Variants in PLXNA4 observed in about 807,000 individuals in gnomAD.
PLXNA4 encodes plexin A4.
PLXNA4 carries 44 observed loss-of-function variants against 191.8 expected under a neutral mutation model. The ratio of observed to expected loss-of-function variants is 0.23; its 90% CI spans 0.18 to 0.29. The LOEUF is 0.29. Among genes scored for constraint, PLXNA4 ranks in the 10% least tolerant of loss-of-function variants. The pLI is 1.00. For missense variants in PLXNA4, 1,800 were observed against 2,488.8 expected, an observed-to-expected ratio of 0.72 and a Z score of 5.89; for synonymous variants, 1,082 against 1,009.5, an observed-to-expected ratio of 1.07 and a Z score of -1.36.
intron 3 of PLXNA4, among the ~76,000 whole-genome samples, chr7:132,403,174 G>T (rs905162812): frequency 2.0e-5 from 3 of 152,140 alleles, no homozygotes; most frequent in Admixed American, 6.5e-5. Context: ...CAGAGCCCAG[G>T]TCCCGGCCCC....
chr7:132,313,624 T>C lies in PLXNA4; in HGVS notation c.1372-15402A>G, dbSNP rs142374014. Among the ~76,000 whole-genome samples, 1,195 of 152,232 alleles carry C rather than the reference T, an allele frequency of 7.8e-3. 8 individuals are homozygous for C. The highest frequency in any genetic ancestry group is 0.012 in the Non-Finnish European group (820 of 68,012). ...AAGTGCGGGTCTGAGATCTGCTGAA[T>C]GTCACTGGTGGGAGTGTGGCCGATT... is the stretch of plus-strand genomic sequence containing the variant. On this transcript the variant is annotated intron_variant, in intron 3 of 31. Coordinates refer to ENST00000321063, the MANE Select transcript of PLXNA4 (RefSeq NM_020911.2).
chr7:132,312,080 C>T (rs2116587491), intron 3 of PLXNA4, among the ~76,000 whole-genome samples: 1 of 151,886 alleles, frequency 6.6e-6, no homozygotes, highest in Non-Finnish European at 1.5e-5. Flanking sequence ...TAAAGACATC[C>T]TCCTCCAATC....
At chr7:132,569,479 A>G (rs375868998) in intron 1 of PLXNA4, among the ~76,000 whole-genome samples, 2 of 152,348 alleles carry the variant, frequency 1.3e-5, no homozygotes, top group African/African-American at 4.8e-5. Context: ...TCCTGCTTGC[A>G]TCTGTTCTGT....
chr7:132,494,766 G>A (rs957697050), intron 2 of PLXNA4, among the ~76,000 whole-genome samples: 1 of 152,228 alleles, frequency 6.6e-6, no homozygotes, highest in African/African-American at 2.4e-5. Flanking sequence ...CTCCCACTCT[G>A]CAGAGAGATT....
intron 7 of PLXNA4, among the ~76,000 whole-genome samples, 160 bp downstream of exon 7, chr7:132,227,291 T>C (rs2116976209): frequency 6.6e-6 from 1 of 152,198 alleles, no homozygotes; most frequent in African/African-American, 2.4e-5. Context: ...TGGAGGGAGA[T>C]CCCATCCCCC....
chr7:132,194,224 G>C lies in PLXNA4; in HGVS notation c.2739-45C>G, dbSNP rs1312282980. 3 of 1,583,224 alleles carry C rather than the reference G, an allele frequency of 1.9e-6. No homozygotes were observed. In the South Asian group the frequency reaches 3.4e-5, roughly 18 times the overall value. On this transcript the variant is annotated intron_variant, in intron 13 of 31. Transcript: ENST00000321063. Reference sequence around the variant, plus strand: ...AATCCCATGGGTCACAGGACTTCCAGCCAAGACCCTGCACCCCACAGCACC... The same window carrying C: ...AATCCCATGGGTCACAGGACTTCCACCCAAGACCCTGCACCCCACAGCACC...
intron 4 of PLXNA4, among the ~76,000 whole-genome samples, chr7:132,245,500 G>C (rs1249529196): frequency 6.6e-6 from 1 of 152,206 alleles, no homozygotes; most frequent in Non-Finnish European, 1.5e-5. Context: ...TCCTGGCTTT[G>C]TGCAAAAACC....
At chr7:132,252,123 G>T (rs552743386) in intron 4 of PLXNA4, among the ~76,000 whole-genome samples, 71 of 152,134 alleles carry the variant, frequency 4.7e-4, no homozygotes, top group African/African-American at 1.7e-3. Flanking sequence ...AGCTTCCATT[G>T]CAGGATCAGG....
At chr7:132,575,864 C>T (rs1802200565) in intron 1 of PLXNA4, among the ~76,000 whole-genome samples, 1 of 152,164 alleles carries the variant, frequency 6.6e-6, no homozygotes, top group Non-Finnish European at 1.5e-5. Flanking sequence ...ACTGCAGCCC[C>T]AACCGCCTAT....
intron 16 of PLXNA4, among the ~76,000 whole-genome samples, chr7:132,183,125 C>A (rs536466887): frequency 6.6e-6 from 1 of 152,254 alleles, no homozygotes; most frequent in African/African-American, 2.4e-5. Flanking sequence ...GACACACACA[C>A]CCACATTCAT....
rs1323091216 is a variant in PLXNA4, at chr7:132,225,434, G to A, written c.1982+727C>T. Among the ~76,000 whole-genome samples the A allele has an allele frequency of 2.6e-5, 4 of 152,334 alleles. No individual in the cohort carries two copies. In the East Asian group the frequency reaches 5.8e-4, roughly 22 times the overall value. On this transcript the variant is annotated intron_variant, in intron 8 of 31. Coordinates refer to ENST00000321063, the MANE Select transcript of PLXNA4 (RefSeq NM_020911.2). Reference sequence around the variant, plus strand: ...GGTAAATATTTGTGTGACGCCCTTGGAAGGAGCACTGTGATTTCCCTGTTG... The same window carrying A: ...GGTAAATATTTGTGTGACGCCCTTGAAAGGAGCACTGTGATTTCCCTGTTG...
rs950421791 is a variant in PLXNA4 at position 132,576,328 on chromosome 7, G to A, written c.-87+94C>T. ...GTGCGTGTGCCGCGGGCTGGCTCCG[G>A]GACACTGAGGACTCCCGGGTCGGCC... On this transcript the variant is annotated intron_variant, in intron 1 of 31. Coordinates refer to ENST00000321063, the MANE Select transcript of PLXNA4 (RefSeq NM_020911.2). This position sits in a 1 kb window ranked among gnomAD's most constrained non-coding sequence, Gnocchi z 5.8. 5.7e-5 allele frequency: 52 copies of A among 912,056 alleles called. No individual in the cohort carries two copies. The highest frequency in any genetic ancestry group is 6.6e-5 in the Non-Finnish European group (50 of 763,212). 56.5% of individuals were successfully genotyped at this position (912,056 alleles called of 1,614,324 possible).
chr7:132,211,355 G>A (rs1472211710), intron 9 of PLXNA4, among the ~76,000 whole-genome samples: 3 of 152,210 alleles, frequency 2.0e-5, no homozygotes, highest in Non-Finnish European at 4.4e-5. Context: ...ATCTTGAGGT[G>A]GTCCCCACCC....
intron 3 of PLXNA4, among the ~76,000 whole-genome samples, chr7:132,438,601 A>G (rs13437777): frequency 0.041 from 6,248 of 152,290 alleles, 407 homozygotes; most frequent in African/African-American, 0.14. Flanking sequence ...AAAGTATCCC[A>G]TAGTGTCATT....
chr7:132,180,188 C>T (rs937979117), intron 19 of PLXNA4, among the ~76,000 whole-genome samples: 2 of 152,144 alleles, frequency 1.3e-5, no homozygotes, highest in African/African-American at 4.8e-5. Context: ...ACAACTGGGA[C>T]CTAAACACAG....
intron 4 of PLXNA4, among the ~76,000 whole-genome samples, chr7:132,252,265 A>G (rs1350561575): frequency 2.0e-5 from 3 of 151,468 alleles, no homozygotes; most frequent in Non-Finnish European, 2.9e-5. Flanking sequence ...TTCAAATATG[A>G]AAGGACAATT....
At chr7:132,534,964 C>G (rs1799772978) in intron 1 of PLXNA4, among the ~76,000 whole-genome samples, 1 of 152,178 alleles carries the variant, frequency 6.6e-6, no homozygotes, top group African/African-American at 2.4e-5. Flanking sequence ...CTTCAATAAT[C>G]CAGTGTTTTA....
intron 3 of PLXNA4, chr7:132,484,699 TG>T (rs1294721866): frequency 5.1e-5 from 75 of 1,480,058 alleles, no homozygotes; most frequent in Non-Finnish European, 6.5e-5. Context: ...CTAGTCTATT[TG>T]GTGTTCCAAC....
intron 3 of PLXNA4, among the ~76,000 whole-genome samples, chr7:132,369,576 G>A (rs1271001349): frequency 6.6e-6 from 1 of 152,082 alleles, no homozygotes; most frequent in African/African-American, 2.4e-5. Flanking sequence ...CAAAAAGAGA[G>A]GGCACCGACC....
Sources: allele counts gnomAD v4.1 joint callset (sites outside exome capture counted in the v4.1 genomes callset), GRCh38; gene constraint gnomAD v4.1.1; non-coding constraint Gnocchi (gnomAD v3.1); transcripts MANE v1.5; gene names NCBI Gene and HGNC (gene_info 2026-07-23, HGNC 2026-07-21).